ARK2C: variants seen among roughly 807,000 people sequenced by gnomAD.
The protein encoded by ARK2C is E3 ubiquitin-protein ligase ARK2C.
the ARK2C span, among the ~76,000 whole-genome samples, chr18:46,404,566 T>C: frequency 6.6e-6 from 1 of 152,102 alleles, no homozygotes; most frequent in African/African-American, 2.4e-5. Flanking sequence ...CCAGCCTGAC[T>C]AACATGGTGA....
chr18:46,373,438 A>C, the ARK2C span, among the ~76,000 whole-genome samples: 1 of 152,172 alleles, frequency 6.6e-6, no homozygotes, highest in Non-Finnish European at 1.5e-5. Context: ...AGGCCTTTTG[A>C]CAGTGCCCCA....
chr18:46,440,162 C>T, the ARK2C span, among the ~76,000 whole-genome samples: 115 of 152,296 alleles, frequency 7.6e-4, no homozygotes, highest in South Asian at 2.1e-4. Context: ...TGTTCTCTCG[C>T]TTCCCCGGTC....
At chr18:46,436,764 T>C in the ARK2C span, among the ~76,000 whole-genome samples, 1 of 152,260 alleles carries the variant, frequency 6.6e-6, no homozygotes. Flanking sequence ...TACAGCCAAC[T>C]TCTGCCCAGC....
the ARK2C span, among the ~76,000 whole-genome samples, chr18:46,347,501 G>T: frequency 2.6e-5 from 4 of 152,102 alleles, no homozygotes; most frequent in African/African-American, 9.7e-5. Flanking sequence ...TGGGGGCTTC[G>T]TGTCCTCCCT....
chr18:46,355,769 C>A, the ARK2C span, among the ~76,000 whole-genome samples: 1 of 152,220 alleles, frequency 6.6e-6, no homozygotes, highest in African/African-American at 2.4e-5. Flanking sequence ...ACACATGCCC[C>A]CTCAAGACCT....
the ARK2C span, among the ~76,000 whole-genome samples, chr18:46,410,104 G>A: frequency 0.037 from 5,594 of 152,250 alleles, 103 homozygotes; most frequent in Middle Eastern, 0.048. Flanking sequence ...TAGTGGGTGG[G>A]AGGTCTTGGT....
At chr18:46,402,347 T>A in the ARK2C span, among the ~76,000 whole-genome samples, 1 of 152,206 alleles carries the variant, frequency 6.6e-6, no homozygotes, top group Non-Finnish European at 1.5e-5. Flanking sequence ...TCAATCCAGC[T>A]CCAATGGAAT....
the ARK2C span, among the ~76,000 whole-genome samples, chr18:46,402,558 G>T: frequency 1.3e-5 from 2 of 151,918 alleles, no homozygotes; most frequent in South Asian, 2.1e-4. Flanking sequence ...TGTCACCCAC[G>T]CTGGAGTGCG....
At chr18:46,420,415 G>T in the ARK2C span, among the ~76,000 whole-genome samples, 2 of 152,176 alleles carry the variant, frequency 1.3e-5, no homozygotes, top group Non-Finnish European at 2.9e-5. Flanking sequence ...CCGGGCTTGT[G>T]TAAGCATACT....
chr18:46,363,926 T>C, the ARK2C span, among the ~76,000 whole-genome samples: 1 of 151,238 alleles, frequency 6.6e-6, no homozygotes, highest in Admixed American at 6.6e-5. Flanking sequence ...TTCTTTTCTT[T>C]TTTTTTCTTT....
the ARK2C span, among the ~76,000 whole-genome samples, chr18:46,381,915 C>T: frequency 6.6e-6 from 1 of 152,076 alleles, no homozygotes; most frequent in African/African-American, 2.4e-5. Flanking sequence ...GAGAGATGTG[C>T]GACTCCCTTG....
chr18:46,461,055 C>T, the ARK2C span: 1 of 152,282 alleles, frequency 6.6e-6, no homozygotes, highest in Admixed American at 6.5e-5. Flanking sequence ...GCCTCCAACT[C>T]CAGAATTGGA....
At chr18:46,453,164 G>A in the ARK2C span, among the ~76,000 whole-genome samples, 1 of 152,186 alleles carries the variant, frequency 6.6e-6, no homozygotes, top group Admixed American at 6.5e-5. Flanking sequence ...TTCAACCGCA[G>A]TTATTGAGTA....
the ARK2C span, among the ~76,000 whole-genome samples, chr18:46,375,537 G>A: frequency 1.0e-4 from 15 of 148,854 alleles, 2 homozygotes; most frequent in African/African-American, 3.7e-4. Context: ...CTGGGTGACA[G>A]AGTGAGACTC....
chr18:46,378,802 C>G, the ARK2C span, among the ~76,000 whole-genome samples: 1,765 of 152,232 alleles, frequency 0.012, 42 homozygotes, highest in African/African-American at 0.04. Context: ...TGGAGAGGAG[C>G]GCTGCTATGG....
chr18:46,383,368 G>A, the ARK2C span, among the ~76,000 whole-genome samples: 11 of 152,298 alleles, frequency 7.2e-5, no homozygotes, highest in African/African-American at 2.6e-4. Context: ...TGGTTCGAAA[G>A]GGGATGTAAG....
At chr18:46,447,151 C>T in the ARK2C span, among the ~76,000 whole-genome samples, 2 of 152,170 alleles carry the variant, frequency 1.3e-5, no homozygotes, top group South Asian at 4.1e-4. Flanking sequence ...AGTTCTCTCT[C>T]TTTGTTTTCT....
chr18:46,400,383 G>C, the ARK2C span, among the ~76,000 whole-genome samples: 1 of 152,340 alleles, frequency 6.6e-6, no homozygotes, highest in East Asian at 1.9e-4. Flanking sequence ...CCAGTGCATA[G>C]ATATGGCTTT....
the ARK2C span, among the ~76,000 whole-genome samples, chr18:46,455,026 C>T: frequency 2.6e-5 from 4 of 152,214 alleles, no homozygotes; most frequent in South Asian, 2.1e-4. Flanking sequence ...TTCTACATAA[C>T]GGTAAACTAT....
Sources: allele counts gnomAD v4.1 joint callset (sites outside exome capture counted in the v4.1 genomes callset), GRCh38; gene constraint gnomAD v4.1.1; transcripts MANE v1.5; gene names NCBI Gene and HGNC (gene_info 2026-07-23, HGNC 2026-07-21).